ALDH1A2: variants seen among roughly 807,000 people sequenced by gnomAD.
ALDH1A2 encodes the protein retinal dehydrogenase 2.
Under a neutral mutation model 60.3 loss-of-function variants are expected in ALDH1A2, and 27 were observed. The ratio of observed to expected loss-of-function variants is 0.45; its 90% CI spans 0.33 to 0.62. The LOEUF (loss-of-function observed/expected upper bound fraction) is 0.62, where lower values mean the gene tolerates loss of function less well. Among genes scored for constraint, ALDH1A2 ranks in the 20% least tolerant of loss-of-function variants. The pLI, the probability that ALDH1A2 is intolerant of heterozygous loss-of-function variation, is 0.02. For missense variants in ALDH1A2, 581 were observed against 643.8 expected (o/e 0.90, Z 1.06); for synonymous variants, 289 against 232.4 (o/e 1.24, Z -2.21).
intron 1 of ALDH1A2, among the ~76,000 whole-genome samples, chr15:58,047,064 C>T (rs770296290): frequency 1.3e-5 from 2 of 151,960 alleles, no homozygotes; most frequent in Non-Finnish European, 2.9e-5. Flanking sequence ...CAGCCCACAG[C>T]AAAATGGCCA....
chr15:57,988,916 C>T (rs1894801770), intron 7 of ALDH1A2, among the ~76,000 whole-genome samples: 1 of 152,108 alleles, frequency 6.6e-6, no homozygotes, highest in African/African-American at 2.4e-5. Context: ...CACCTGTAAT[C>T]CCAGCATTTT....
intron 1 of ALDH1A2, chr15:58,065,148 G>A: frequency 3.4e-6 from 1 of 293,660 alleles, no homozygotes; most frequent in Non-Finnish European, 6.6e-6. Context: ...AGAGGCGACG[G>A]CCAGGCTGCG....
intron 1 of ALDH1A2, among the ~76,000 whole-genome samples, chr15:58,015,129 G>T (rs946531116): frequency 1.3e-5 from 2 of 152,104 alleles, no homozygotes; most frequent in Non-Finnish European, 2.9e-5. Flanking sequence ...AATCTTAGAG[G>T]ACATACGAAG....
At chr15:57,967,038 G>A (rs577448599) in intron 7 of ALDH1A2, among the ~76,000 whole-genome samples, 17 of 152,260 alleles carry the variant, frequency 1.1e-4, no homozygotes, top group African/African-American at 3.1e-4. Flanking sequence ...TTTTAAAAGC[G>A]GGGGAAGAGA....
chr15:58,026,779 C>T (rs1896091482), intron 1 of ALDH1A2, among the ~76,000 whole-genome samples: 1 of 152,172 alleles, frequency 6.6e-6, no homozygotes, highest in South Asian at 2.1e-4. Flanking sequence ...GTGCAGCAGT[C>T]TGAGATTGAC....
At chr15:57,991,375 A>C (rs1281364820) in intron 7 of ALDH1A2, 6 of 152,242 alleles carry the variant, frequency 3.9e-5, no homozygotes, top group Non-Finnish European at 8.8e-5. Context: ...TTTGGAAACA[A>C]ACAAGGTTAA....
intron 1 of ALDH1A2, among the ~76,000 whole-genome samples, chr15:58,052,382 T>C (rs1896796949): frequency 6.6e-6 from 1 of 152,180 alleles, no homozygotes; most frequent in Admixed American, 6.5e-5. Flanking sequence ...CCAACACTTT[T>C]AAAAAGTAGG....
intron 1 of ALDH1A2, among the ~76,000 whole-genome samples, chr15:58,022,988 T>G (rs916765619): frequency 2.6e-5 from 4 of 152,174 alleles, no homozygotes; most frequent in African/African-American, 7.2e-5. Flanking sequence ...CCATACTCCA[T>G]CAACAGATCT....
intron 8 of ALDH1A2, chr15:57,964,913 A>C (rs1893844105): frequency 6.6e-6 from 1 of 152,228 alleles, no homozygotes. Context: ...AACTCTGCAA[A>C]TTCCAAGCTG....
At chr15:57,993,288 A>C (rs1446625267) in intron 5 of ALDH1A2, among the ~76,000 whole-genome samples, 4 of 152,054 alleles carry the variant, frequency 2.6e-5, no homozygotes, top group African/African-American at 9.7e-5. Flanking sequence ...CAATTACTAT[A>C]CTCCAACTAC....
intron 7 of ALDH1A2, among the ~76,000 whole-genome samples, chr15:57,986,517 T>TCAG (rs1277976006): frequency 7.9e-6 from 1 of 126,444 alleles, no homozygotes; most frequent in Non-Finnish European, 1.6e-5. Flanking sequence ...ATCTCTAAGT[T>TCAG]CAGCAATATA....
At chr15:58,027,777 T>C (rs1896119197) in intron 1 of ALDH1A2, among the ~76,000 whole-genome samples, 1 of 151,792 alleles carries the variant, frequency 6.6e-6, no homozygotes, top group African/African-American at 2.4e-5. Context: ...GCTGATTCAA[T>C]CAAGTAGAAG....
At chr15:58,014,529 T>C (rs948519134) in intron 1 of ALDH1A2, 2 of 543,146 alleles carry the variant, frequency 3.7e-6, no homozygotes, top group South Asian at 3.1e-5. Flanking sequence ...TAACTAAAGA[T>C]ACAAATAAGG....
chr15:57,995,389 A>T (rs1380215233), intron 4 of ALDH1A2, among the ~76,000 whole-genome samples: 1 of 152,082 alleles, frequency 6.6e-6, no homozygotes, highest in East Asian at 1.9e-4. Flanking sequence ...TGAATGACAA[A>T]TTTATGATAC....
At chr15:58,023,698 T>A (rs1240059635) in intron 1 of ALDH1A2, among the ~76,000 whole-genome samples, 1 of 145,728 alleles carries the variant, frequency 6.9e-6, no homozygotes, top group Non-Finnish European at 1.5e-5. Context: ...ATATTATCTC[T>A]AGCAAAATTA....
chr15:58,050,193 G>C (rs1896739308), intron 1 of ALDH1A2, among the ~76,000 whole-genome samples: 1 of 122,982 alleles, frequency 8.1e-6, no homozygotes, highest in Non-Finnish European at 1.8e-5. Flanking sequence ...GTATTGCTAG[G>C]GTTAAAAAAA....
chr15:58,003,924 G>A (rs1227003800), intron 4 of ALDH1A2, among the ~76,000 whole-genome samples: 1 of 151,822 alleles, frequency 6.6e-6, no homozygotes, highest in Non-Finnish European at 1.5e-5. Flanking sequence ...TGGCTCCATT[G>A]GGTACCATGG....
chr15:58,036,079 C>T (rs1315614672), intron 1 of ALDH1A2, among the ~76,000 whole-genome samples: 1 of 151,366 alleles, frequency 6.6e-6, no homozygotes, highest in Non-Finnish European at 1.5e-5. Flanking sequence ...ATAACATTTG[C>T]TATTATAATA....
In ALDH1A2 at chr15:57,964,071, T is replaced by G. The variant is rs923941363; in HGVS notation, c.902-2A>C. 6.2e-7 allele frequency: 1 copy of G among 1,613,866 alleles called. No individual in the cohort carries two copies. Among genetic ancestry groups the G allele is most frequent in the Admixed American group, 1.7e-5 (1 of 60,000 alleles). Reference sequence around the variant, plus strand: ...GGGCCTGCTCCACAGCATAGTCCACTACAAGAGGAAACAGCCATGTTCTCA... The same window carrying G: ...GGGCCTGCTCCACAGCATAGTCCACGACAAGAGGAAACAGCCATGTTCTCA... On this transcript the variant is annotated splice_acceptor_variant, in intron 8 of 12. Coordinates refer to ENST00000249750, the MANE Select transcript of ALDH1A2 (RefSeq NM_003888.4). LOFTEE classifies it high-confidence loss of function.
Sources: allele counts gnomAD v4.1 joint callset (sites outside exome capture counted in the v4.1 genomes callset), GRCh38; gene constraint gnomAD v4.1.1; transcripts MANE v1.5; gene names NCBI Gene and HGNC (gene_info 2026-07-23, HGNC 2026-07-21).